Variants in PUS7L observed in about 807,000 individuals in gnomAD.
The protein encoded by PUS7L is pseudouridylate synthase PUS7L.
A neutral mutation model predicts 51.1 loss-of-function variants in PUS7L; 49 were observed. The ratio of observed to expected loss-of-function variants is 0.96; its 90% CI spans 0.76 to 1.22. The LOEUF (loss-of-function observed/expected upper bound fraction) is 1.22. Ranked by LOEUF, PUS7L falls within the 50% of genes most tolerant of loss-of-function variation. PUS7L has a pLI of 0.00. For synonymous variants in PUS7L, 277 were observed against 276.2 expected (o/e 1.00, Z -0.03); for missense variants, 828 against 820.6 (o/e 1.01, Z -0.11).
chr12:43,729,589 T>C lies in PUS7L; in HGVS notation c.*787A>G, dbSNP rs930165334. On this transcript the variant is annotated 3_prime_UTR_variant, in exon 9 of 9. Coordinates refer to ENST00000344862, the MANE Select transcript of PUS7L (RefSeq NM_031292.5). ...AGAAAATGTGGAGATAATCCTATTA[T>C]TTGTCATTTATGAAGTTGTAATTGT... The C allele has an allele frequency of 8.5e-5, 15 of 176,128 alleles. No individual in the cohort carries two copies. Among genetic ancestry groups the C allele is most frequent in the African/African-American group, 3.3e-4 (14 of 42,636 alleles). The allele number at this position is 176,128 out of a possible 1,614,324, so 10.9% of individuals were successfully genotyped here. A position where few individuals can be genotyped will look rare whatever the true frequency, so the allele number is the denominator to read the frequency against.
Position 43,751,389 on chromosome 12 carries a change from T to C in PUS7L, c.911-2780A>G, listed in dbSNP as rs1015820258. The stretch of plus-strand genomic sequence containing the variant: ...CAGGACCCAGTGTGTGACGTTCCCC[T>C]TCCGGTGTCCAGGTGTTCTCATTGT... On this transcript the variant is annotated intron_variant, in intron 2 of 8. Transcript: ENST00000344862. 3.6e-4 allele frequency among the ~76,000 whole-genome samples: 45 copies of C among 126,442 alleles called. 1 individual carries two copies. Among genetic ancestry groups the C allele is most frequent in the Middle Eastern group, 5.2e-3 (1 of 194 alleles). 83.0% of individuals were successfully genotyped at this position (126,442 alleles called of 152,430 possible). A position where few individuals can be genotyped will look rare whatever the true frequency, so the allele number is the denominator to read the frequency against.
At chr12:43,737,728 C>T (rs1031338204) in intron 6 of PUS7L, among the ~76,000 whole-genome samples, 4 of 152,048 alleles carry the variant, frequency 2.6e-5, no homozygotes, top group Non-Finnish European at 4.4e-5. Context: ...GAAACTAACA[C>T]AATGATGTCA....
chr12:43,756,613 T>C (rs1303856763), intron 1 of PUS7L, among the ~76,000 whole-genome samples: 1 of 152,194 alleles, frequency 6.6e-6, no homozygotes, highest in African/African-American at 2.4e-5. Context: ...ATTCAATGTC[T>C]TGGACCCTCA....
At chr12:43,740,042 C>A (rs1937818776) in intron 5 of PUS7L, among the ~76,000 whole-genome samples, 1 of 152,094 alleles carries the variant, frequency 6.6e-6, no homozygotes, top group African/African-American at 2.4e-5. Flanking sequence ...CCCTTAATTT[C>A]ATTTGTGCCC....
In PUS7L at chr12:43,746,245, GTAAT is replaced by G; in HGVS notation, c.1071-11_1071-8del. 1.7e-6 allele frequency: 2 copies of G among 1,154,982 alleles called. No homozygotes were observed. Among genetic ancestry groups the G allele is most frequent in the Non-Finnish European group, 2.5e-6 (2 of 814,238 alleles). 71.5% of individuals were successfully genotyped at this position (1,154,982 alleles called of 1,614,324 possible). On this transcript the variant is annotated splice_region_variant and splice_polypyrimidine_tract_variant and intron_variant, in intron 3 of 8. Transcript: ENST00000344862. ...TTTTTCAATATTTTTCAACCTGTAA[GTAAT>G]AAATCATATAAACTCAGTTAAATTT...
intron 2 of PUS7L, among the ~76,000 whole-genome samples, chr12:43,751,553 T>A (rs1252859834): frequency 1.3e-5 from 2 of 152,178 alleles, no homozygotes; most frequent in African/African-American, 2.4e-5. Context: ...CTGCATAGTA[T>A]TCCATGGTGT....
rs1944394945 is a variant in PUS7L, at chr12:43,721,313, T to C, written c.*9063A>G. The stretch of plus-strand genomic sequence containing the variant: ...ATTTGTTAAATGAGACTAGTTATCA[T>C]ACCTGACAGCTTGTTCTAAATTTTA... On this transcript the variant is annotated 3_prime_UTR_variant, in exon 9 of 9. Coordinates refer to ENST00000344862, the MANE Select transcript of PUS7L (RefSeq NM_031292.5). 1 of 152,188 alleles carries C rather than the reference T, an allele frequency of 6.6e-6. No individual in the cohort carries two copies. 9.4% of individuals were successfully genotyped at this position (152,188 alleles called of 1,614,324 possible).
rs944877740 is a variant in PUS7L, at chr12:43,726,645, T to A, written c.*3731A>T. 1.3e-5 allele frequency: 2 copies of A among 152,138 alleles called. No homozygotes were observed. The highest frequency in any genetic ancestry group is 2.9e-5 in the Non-Finnish European group (2 of 68,098). The allele number at this position is 152,138 out of a possible 1,614,324, so 9.4% of individuals were successfully genotyped here. On this transcript the variant is annotated 3_prime_UTR_variant, in exon 9 of 9. Coordinates refer to ENST00000344862, the MANE Select transcript of PUS7L (RefSeq NM_031292.5). ...GAGTTTGAGACCAGCCTGGCCAACA[T>A]GGTGAAACCCCGTCTCTAATAAAAA... is the stretch of plus-strand genomic sequence containing the variant.
At chr12:43,742,582 T>G in intron 4 of PUS7L, 27 bp from the exon 5 acceptor site, 1 of 1,531,800 alleles carries the variant, frequency 6.5e-7, no homozygotes, top group Non-Finnish European at 8.8e-7. Flanking sequence ...ATCAACAAAT[T>G]AAGAGTATAT....
At position 43,721,261 on chromosome 12, in the gene PUS7L, T is replaced by C. The variant is rs1322526458; in HGVS notation, c.*9115A>G. On this transcript the variant is annotated 3_prime_UTR_variant, in exon 9 of 9. Coordinates refer to ENST00000344862, the MANE Select transcript of PUS7L (RefSeq NM_031292.5). ...CTCTTTACAATCTAGAGGAAGCTACTTAACTTCTTCAAGCCCTGGAATCCT... is the reference window on the plus strand; with the variant it reads ...CTCTTTACAATCTAGAGGAAGCTACCTAACTTCTTCAAGCCCTGGAATCCT... 6.6e-6 allele frequency: 1 copy of C among 152,180 alleles called. No homozygotes were observed. The highest frequency in any genetic ancestry group is 1.5e-5 in the Non-Finnish European group (1 of 68,014). 9.4% of individuals were successfully genotyped at this position (152,180 alleles called of 1,614,324 possible). A position where few individuals can be genotyped will look rare whatever the true frequency, so the allele number is the denominator to read the frequency against.
chr12:43,754,461 A>G lies in PUS7L; in HGVS notation c.785T>C (p.Phe262Ser), dbSNP rs1007431275. The G allele has an allele frequency of 4.3e-6, 7 of 1,613,978 alleles. No individual in the cohort carries two copies. In the South Asian group the frequency reaches 6.6e-5, roughly 15 times the overall value. ...ACCAGCACTGCAATTCATTTTAGAA[A>G]AAGATTTGGTTTCCACAAGGTTTCC... ...KFGNLVETKS[F>S]SKMNCSAGNP... Residue 262 changes from phenylalanine to serine, a missense_variant, in exon 2 of 9, where the codon TTT becomes TCT. Phe to Ser is a radical substitution (Grantham distance 155). Coordinates refer to ENST00000344862, the MANE Select transcript of PUS7L (RefSeq NM_031292.5).
In PUS7L at chr12:43,731,753, G is replaced by C; in HGVS notation, c.1731C>G (p.His577Gln). Residue 577 changes from histidine (H) to glutamine (Q), a missense_variant, in exon 8 of 9, where the codon CAC (histidine) becomes CAG (glutamine). By Grantham distance (24) the His-to-Gln change is conservative. Transcript: ENST00000344862. ...DDENFPNSKIHLVTEEEGSAN... is the reference protein window; with the variant it reads ...DDENFPNSKIQLVTEEEGSAN... ...CTGATCCCTCCTCTTCAGTTACCAGGTGAATCTAGTTTTAAAAAACATGAA... is the reference window on the plus strand; with the variant it reads ...CTGATCCCTCCTCTTCAGTTACCAGCTGAATCTAGTTTTAAAAAACATGAA... The C allele has an allele frequency of 6.4e-7, 1 of 1,566,026 alleles. No homozygotes were observed. Among genetic ancestry groups the C allele is most frequent in the Non-Finnish European group, 8.7e-7 (1 of 1,143,954 alleles).
intron 3 of PUS7L, among the ~76,000 whole-genome samples, chr12:43,747,888 A>T (rs1413251974): frequency 6.6e-6 from 1 of 152,018 alleles, no homozygotes; most frequent in African/African-American, 2.4e-5. Context: ...TCCCTATTCA[A>T]GCAATTCTCC....
At chr12:43,758,660 CCCCCCCA>C in intron 1 of PUS7L, 63 bp downstream of exon 1, 1 of 740,602 alleles carries the variant, frequency 1.4e-6, no homozygotes, top group Non-Finnish European at 1.5e-6. Context: ...CGTCACCCCC[CCCCCCCA>C]CACACACACA....
In PUS7L at chr12:43,722,358, G is replaced by C. The variant is rs1436220194; in HGVS notation, c.*8018C>G. On this transcript the variant is annotated 3_prime_UTR_variant, in exon 9 of 9. Transcript: ENST00000344862. ...CATAGTAAACAAGATGGACTGACTA[G>C]AGTGAAAAACGAAGGCCACCCAGTT... 6.6e-6 allele frequency: 1 copy of C among 152,080 alleles called. No homozygotes were observed. The highest frequency in any genetic ancestry group is 2.4e-5 in the African/African-American group (1 of 41,450). 9.4% of individuals were successfully genotyped at this position (152,080 alleles called of 1,614,324 possible). A position where few individuals can be genotyped will look rare whatever the true frequency, so the allele number is the denominator to read the frequency against.
chr12:43,722,249 T>C lies in PUS7L; in HGVS notation c.*8127A>G, dbSNP rs1003099757. 6.6e-6 allele frequency: 1 copy of C among 152,114 alleles called. No homozygotes were observed. The highest frequency in any genetic ancestry group is 2.4e-5 in the African/African-American group (1 of 41,430). The allele number at this position is 152,114 out of a possible 1,614,324, so 9.4% of individuals were successfully genotyped here. A position where few individuals can be genotyped will look rare whatever the true frequency, so the allele number is the denominator to read the frequency against. On this transcript the variant is annotated 3_prime_UTR_variant, in exon 9 of 9. Coordinates refer to ENST00000344862, the MANE Select transcript of PUS7L (RefSeq NM_031292.5). Reference sequence around the variant, plus strand: ...ATGTGTTATGTTGAGGGGTTTGGACTGTTACTGCATAGATACTGGAAAGCT... The same window carrying C: ...ATGTGTTATGTTGAGGGGTTTGGACCGTTACTGCATAGATACTGGAAAGCT...
chr12:43,738,074 AT>A, intron 6 of PUS7L: 1 of 363,206 alleles, frequency 2.8e-6, no homozygotes, highest in East Asian at 4.7e-5. Context: ...CTAAGAAACT[AT>A]TTCTCCCATT....
In PUS7L at chr12:43,731,609, T is replaced by C. The variant is rs186166834; in HGVS notation, c.1779+96A>G. Reference sequence around the variant, plus strand: ...ATTATACCTTAATTTAAAAGTTGTTTAATAAAAAAGAGGAGGGGAACTAGT... The same window carrying C: ...ATTATACCTTAATTTAAAAGTTGTTCAATAAAAAAGAGGAGGGGAACTAGT... On this transcript the variant is annotated intron_variant, in intron 8 of 8. Transcript: ENST00000344862. The C allele has an allele frequency of 8.0e-6, 5 of 626,334 alleles. No homozygotes were observed. In the Admixed American group the frequency reaches 1.6e-4, roughly 20 times the overall value. 38.8% of individuals were successfully genotyped at this position (626,334 alleles called of 1,614,324 possible). A position where few individuals can be genotyped will look rare whatever the true frequency, so the allele number is the denominator to read the frequency against.
chr12:43,758,652 T>TGGGGGGGGG, intron 1 of PUS7L, 78 bp downstream of exon 1: 11 of 708,094 alleles, frequency 1.6e-5, no homozygotes, highest in South Asian at 7.5e-5. Context: ...GCCAACCTCG[T>TGGGGGGGGG]CACCCCCCCC....
Sources: gnomAD v4.1 joint callset for allele counts (sites outside exome capture counted in the v4.1 genomes callset) on GRCh38, gnomAD v4.1.1 for gene constraint, MANE v1.5 for transcripts, NCBI Gene and HGNC (gene_info 2026-07-23, HGNC 2026-07-21) for gene names.